Variants in USP47 observed in about 807,000 individuals in gnomAD.
USP47 encodes ubiquitin specific peptidase 47.
A neutral mutation model predicts 165.1 loss-of-function variants in USP47; 35 were observed. That is an observed-to-expected ratio of 0.21 (90% CI 0.16 to 0.28). USP47 has a LOEUF of 0.28. USP47 is among the 10% of genes least tolerant of loss of function. The pLI is 1.00. For missense variants in USP47, 1,277 were observed against 1,607.4 expected, an observed-to-expected ratio of 0.79 and a Z score of 3.52; for synonymous variants, 531 against 544.5, an observed-to-expected ratio of 0.98 and a Z score of 0.35.
chr11:11,889,876 G>T (rs1004990641), intron 3 of USP47, among the ~76,000 whole-genome samples: 1 of 152,098 alleles, frequency 6.6e-6, no homozygotes, highest in Non-Finnish European at 1.5e-5. Flanking sequence ...CAATGGAACA[G>T]AATAGAGAAC....
intron 20 of USP47, among the ~76,000 whole-genome samples, chr11:11,944,764 CT>C (rs1000932574): frequency 6.6e-6 from 1 of 152,102 alleles, no homozygotes; most frequent in Non-Finnish European, 1.5e-5. Context: ...AACTGCTCTG[CT>C]TTTTTACCAT....
Position 11,942,917 on chromosome 11 carries a change from G to A in USP47, c.2896G>A (p.Asp966Asn). 2 of 1,613,560 alleles carry A rather than the reference G, an allele frequency of 1.2e-6. No individual in the cohort carries two copies. The highest frequency in any genetic ancestry group is 1.7e-6 in the Non-Finnish European group (2 of 1,179,720). ...NAQIPLANGL[D>N]SHSITSSRRT... Reference sequence around the variant, plus strand: ...TCAGATCCCTTTGGCTAATGGACTTGACTCTCACAGTATCACAAGTAGTAG... The same window carrying A: ...TCAGATCCCTTTGGCTAATGGACTTAACTCTCACAGTATCACAAGTAGTAG... Residue 966 changes from aspartate (D) to asparagine (N), a missense_variant, in exon 20 of 28, where the codon GAC becomes AAC. Physicochemically the swap from Asp to Asn is conservative, Grantham distance 23 (BLOSUM62 1). Transcript: ENST00000527733.
At chr11:11,938,209 A>T in intron 17 of USP47, 48 bp from the exon 18 acceptor site, 2 of 1,536,690 alleles carry the variant, frequency 1.3e-6, no homozygotes, top group Non-Finnish European at 1.8e-6. Flanking sequence ...TGTGAAATAC[A>T]TTAAAAAATA....
At chr11:11,907,027 G>A (rs926855605) in intron 8 of USP47, among the ~76,000 whole-genome samples, 1 of 151,980 alleles carries the variant, frequency 6.6e-6, no homozygotes, top group African/African-American at 2.4e-5. Flanking sequence ...ATTGAATATT[G>A]AGGAAGCTAA....
At chr11:11,876,035 C>G (rs1258713871) in intron 1 of USP47, among the ~76,000 whole-genome samples, 1 of 152,190 alleles carries the variant, frequency 6.6e-6, no homozygotes, top group East Asian at 1.9e-4. Flanking sequence ...TGACTTTCCC[C>G]TTAGTCTCAT....
chr11:11,921,660 A>G (rs1253043391), intron 10 of USP47, among the ~76,000 whole-genome samples: 1 of 151,928 alleles, frequency 6.6e-6, no homozygotes, highest in Non-Finnish European at 1.5e-5. Flanking sequence ...CTACTCAAAT[A>G]GAGATCAGTA....
intron 5 of USP47, among the ~76,000 whole-genome samples, chr11:11,898,185 G>A (rs1322759034): frequency 6.6e-6 from 1 of 151,792 alleles, no homozygotes. Context: ...ACATTAGATA[G>A]TTTAAAATGC....
chr11:11,948,634 G>T, intron 22 of USP47, 76 bp downstream of exon 22: 1 of 1,390,124 alleles, frequency 7.2e-7, no homozygotes. Context: ...TTTATTCATA[G>T]TCATTTTATT....
At chr11:11,875,389 G>A (rs1850345388) in intron 1 of USP47, among the ~76,000 whole-genome samples, 1 of 152,016 alleles carries the variant, frequency 6.6e-6, no homozygotes. Context: ...AGAGAACTCA[G>A]ATTTGAGCTT....
intron 1 of USP47, among the ~76,000 whole-genome samples, chr11:11,850,079 T>G (rs1848639774): frequency 6.6e-6 from 1 of 152,202 alleles, no homozygotes; most frequent in African/African-American, 2.4e-5. Context: ...TCTGAAATTC[T>G]TGTATTATGT....
At chr11:11,901,634 T>C (rs1398963651) in intron 5 of USP47, among the ~76,000 whole-genome samples, 1 of 152,100 alleles carries the variant, frequency 6.6e-6, no homozygotes, top group East Asian at 1.9e-4. Context: ...TTTCAAAAGC[T>C]TTTTATTATG....
chr11:11,911,346 A>G (rs911208620), intron 8 of USP47, among the ~76,000 whole-genome samples: 3 of 152,210 alleles, frequency 2.0e-5, no homozygotes, highest in African/African-American at 7.2e-5. Flanking sequence ...GAAGGCAGGC[A>G]CAAAGAAATA....
chr11:11,925,030 T>C (rs960302567), intron 11 of USP47, among the ~76,000 whole-genome samples: 3 of 151,212 alleles, frequency 2.0e-5, no homozygotes, highest in Non-Finnish European at 3.0e-5. Flanking sequence ...TATTAAGTCT[T>C]CCAGTTCATG....
intron 24 of USP47, 98 bp from the exon 25 acceptor site, chr11:11,952,643 T>C (rs1856296174): frequency 7.7e-7 from 1 of 1,301,654 alleles, no homozygotes; most frequent in Non-Finnish European, 1.0e-6. Context: ...GAGTAACACT[T>C]GAAGTAAATC....
chr11:11,860,750 G>A (rs931076094), intron 1 of USP47, among the ~76,000 whole-genome samples: 3 of 152,128 alleles, frequency 2.0e-5, no homozygotes, highest in African/African-American at 4.8e-5. Flanking sequence ...AGTAAAGGAC[G>A]TATTATTTCG....
At chr11:11,853,490 C>T (rs961418042) in intron 1 of USP47, among the ~76,000 whole-genome samples, 15 of 152,206 alleles carry the variant, frequency 9.9e-5, no homozygotes, top group Non-Finnish European at 1.8e-4. Flanking sequence ...TCTTTCACAT[C>T]GACGTTCTTA....
At chr11:11,874,135 ATATT>A (rs1341955321) in intron 1 of USP47, among the ~76,000 whole-genome samples, 1 of 152,216 alleles carries the variant, frequency 6.6e-6, no homozygotes, top group Non-Finnish European at 1.5e-5. Context: ...TTTTCCAGAT[ATATT>A]TATTTTCTGA....
At chr11:11,952,984 C>T in intron 25 of USP47, 113 bp downstream of exon 25, 1 of 905,586 alleles carries the variant, frequency 1.1e-6, no homozygotes, top group Non-Finnish European at 1.4e-6. Context: ...TAAGAGAAAA[C>T]CTAGGAAGTA....
At chr11:11,894,550 C>T (rs1851733540) in intron 4 of USP47, among the ~76,000 whole-genome samples, 1 of 152,160 alleles carries the variant, frequency 6.6e-6, no homozygotes, top group Admixed American at 6.5e-5. Context: ...CATTTTGTTT[C>T]TTATTATTCT....
Sources: allele counts gnomAD v4.1 joint callset (sites outside exome capture counted in the v4.1 genomes callset), GRCh38; gene constraint gnomAD v4.1.1; transcripts MANE v1.5; gene names NCBI Gene and HGNC (gene_info 2026-07-23, HGNC 2026-07-21).